Variants in DCLK1 observed in about 807,000 individuals in gnomAD.
DCLK1 encodes the protein doublecortin like kinase 1.
DCLK1 carries 16 observed loss-of-function variants against 86.2 expected under a neutral mutation model. That is an observed-to-expected ratio of 0.19 (90% CI 0.13 to 0.28). The LOEUF is 0.28. Ranked by LOEUF, DCLK1 falls within the 10% of genes least tolerant of loss-of-function variation. The pLI is 1.00. For missense variants in DCLK1, 590 were observed against 940.2 expected (o/e 0.63, Z 4.87); for synonymous variants, 369 against 370.5 (o/e 1.00, Z 0.05).
intron 5 of DCLK1, among the ~76,000 whole-genome samples, chr13:35,863,798 T>C (rs1159346344): frequency 6.6e-6 from 1 of 152,236 alleles, no homozygotes; most frequent in Admixed American, 6.5e-5. Context: ...ACTGGACTAG[T>C]AGTGAGCTGA....
At chr13:35,965,848 T>C (rs1488656720) in intron 3 of DCLK1, among the ~76,000 whole-genome samples, 1 of 152,074 alleles carries the variant, frequency 6.6e-6, no homozygotes, top group Non-Finnish European at 1.5e-5. Flanking sequence ...CAGAGCCATA[T>C]ACAAATAAAA....
chr13:35,829,583 T>C (rs1820833986), intron 8 of DCLK1, among the ~76,000 whole-genome samples: 1 of 152,180 alleles, frequency 6.6e-6, no homozygotes, highest in African/African-American at 2.4e-5. Flanking sequence ...CGTTAATGTG[T>C]TTTGAGGGCA....
At chr13:35,810,269 T>C (rs1196013227) in intron 12 of DCLK1, among the ~76,000 whole-genome samples, 1 of 152,198 alleles carries the variant, frequency 6.6e-6, no homozygotes, top group East Asian at 1.9e-4. Flanking sequence ...AGGCCTAGCA[T>C]ATTGTGGGGT....
intron 2 of DCLK1, 34 bp downstream of exon 2, chr13:36,125,728 T>C: frequency 3.8e-6 from 6 of 1,585,194 alleles, no homozygotes; most frequent in South Asian, 1.2e-5. Flanking sequence ...CTGGAACCTG[T>C]AGGGTCACGT....
At chr13:35,871,408 C>T in intron 4 of DCLK1, 68 bp from the exon 5 acceptor site, 1 of 1,261,918 alleles carries the variant, frequency 7.9e-7, no homozygotes, top group Non-Finnish European at 1.1e-6. Context: ...TCAAAATGCA[C>T]AATAAACCTG....
intron 6 of DCLK1, chr13:35,849,644 G>A (rs1392891750): frequency 1.0e-6 from 1 of 982,222 alleles, no homozygotes; most frequent in Non-Finnish European, 1.2e-6. Flanking sequence ...AGAATTAGTA[G>A]GTTAATGTTT....
At chr13:35,911,461 G>A (rs1875028765) in intron 4 of DCLK1, among the ~76,000 whole-genome samples, 1 of 152,152 alleles carries the variant, frequency 6.6e-6, no homozygotes, top group African/African-American at 2.4e-5. Context: ...TCCTGTTAGA[G>A]AGAAGGTGGT....
At chr13:35,808,515 G>T (rs1342314893) in intron 13 of DCLK1, among the ~76,000 whole-genome samples, 195 bp from the exon 14 acceptor site, 1 of 152,222 alleles carries the variant, frequency 6.6e-6, no homozygotes, top group East Asian at 1.9e-4. Flanking sequence ...GGGTGCGGCG[G>T]CTCACACCTG....
At chr13:35,874,215 C>G (rs1006374394) in intron 4 of DCLK1, among the ~76,000 whole-genome samples, 7 of 152,154 alleles carry the variant, frequency 4.6e-5, no homozygotes, top group Non-Finnish European at 2.9e-5. Flanking sequence ...ATGTTTCTCT[C>G]TCTTATATAT....
intron 2 of DCLK1, among the ~76,000 whole-genome samples, chr13:36,115,345 A>AAACT (rs1885747202): frequency 6.6e-6 from 1 of 152,172 alleles, no homozygotes; most frequent in Non-Finnish European, 1.5e-5. Flanking sequence ...ACAAACAAAC[A>AAACT]AATAAAAAAA....
At chr13:35,952,373 TG>T (rs763592511) in intron 3 of DCLK1, among the ~76,000 whole-genome samples, 1 of 152,202 alleles carries the variant, frequency 6.6e-6, no homozygotes, top group Non-Finnish European at 1.5e-5. Flanking sequence ...CATCAGAGAA[TG>T]GGTGGAAAGC....
At chr13:35,940,002 C>T (rs1876990417) in intron 4 of DCLK1, among the ~76,000 whole-genome samples, 1 of 152,140 alleles carries the variant, frequency 6.6e-6, no homozygotes, top group African/African-American at 2.4e-5. Flanking sequence ...TACACATAAA[C>T]AATATTAAAC....
Position 35,773,098 on chromosome 13 carries a change from G to A in DCLK1, c.*1437C>T, listed in dbSNP as rs1379145499. Reference sequence around the variant, plus strand: ...GACACCCCAGGAGAATCCTCTCTGAGCACTGTGGTGATGCACAGAACCTGT... The same window carrying A: ...GACACCCCAGGAGAATCCTCTCTGAACACTGTGGTGATGCACAGAACCTGT... On this transcript the variant is annotated 3_prime_UTR_variant, in exon 17 of 17. Transcript: ENST00000360631. 6.6e-6 allele frequency: 1 copy of A among 152,250 alleles called. No homozygotes were observed. Among genetic ancestry groups the A allele is most frequent in the Non-Finnish European group, 1.5e-5 (1 of 68,050 alleles). The allele number at this position is 152,250 out of a possible 1,614,324, so 9.4% of individuals were successfully genotyped here. A position where few individuals can be genotyped will look rare whatever the true frequency, so the allele number is the denominator to read the frequency against.
At chr13:36,098,357 C>T (rs1386916285) in intron 3 of DCLK1, among the ~76,000 whole-genome samples, 1 of 152,168 alleles carries the variant, frequency 6.6e-6, no homozygotes, top group East Asian at 1.9e-4. Flanking sequence ...AGAGCTGGTG[C>T]ACTATCCCAG....
At chr13:35,795,568 T>C (rs1280647638) in intron 15 of DCLK1, among the ~76,000 whole-genome samples, 1 of 152,174 alleles carries the variant, frequency 6.6e-6, no homozygotes, top group Non-Finnish European at 1.5e-5. Context: ...GGATTATGCG[T>C]CCAGAGTTCT....
At chr13:35,933,871 CT>C (rs1219787931) in intron 4 of DCLK1, among the ~76,000 whole-genome samples, 2 of 152,202 alleles carry the variant, frequency 1.3e-5, no homozygotes, top group African/African-American at 4.8e-5. Context: ...CTGCAGCTGG[CT>C]TGAATTTCTC....
In DCLK1 at chr13:35,915,990, T is replaced by C. The variant is rs7324753; in HGVS notation, c.823+31368A>G. On this transcript the variant is annotated intron_variant, in intron 4 of 16. Coordinates refer to ENST00000360631, the MANE Select transcript of DCLK1 (RefSeq NM_001330071.2). ...AAACAATTAAACAAATCAAGGAAATTTGATTTTAAGGATGGGAGTCAAAGG... is the reference window on the plus strand; with the variant it reads ...AAACAATTAAACAAATCAAGGAAATCTGATTTTAAGGATGGGAGTCAAAGG... 1.9e-3 allele frequency among the ~76,000 whole-genome samples: 283 copies of C among 152,192 alleles called. 3 individuals carry two copies. Among genetic ancestry groups the C allele is most frequent in the African/African-American group, 6.6e-3 (274 of 41,540 alleles).
At position 35,883,393 on chromosome 13, in the gene DCLK1, T is replaced by C. The variant is rs371458640; in HGVS notation, c.824-12053A>G. ...AGTTGTTAAAAAGAGCCTGGCACCT[T>C]CCCTTCTCCCTTGCCTCCTCTCTCC... On this transcript the variant is annotated intron_variant, in intron 4 of 16. Transcript: ENST00000360631. 2.0e-5 allele frequency among the ~76,000 whole-genome samples: 3 copies of C among 152,040 alleles called. No homozygotes were observed. The South Asian group carries it at 6.2e-4, about 32-fold the overall frequency.
At chr13:35,877,196 T>A (rs1732086522) in intron 4 of DCLK1, among the ~76,000 whole-genome samples, 1 of 152,204 alleles carries the variant, frequency 6.6e-6, no homozygotes, top group Admixed American at 6.5e-5. Context: ...ACTCCTGAAA[T>A]GGGCATTCTT....
Sources: allele counts gnomAD v4.1 joint callset (sites outside exome capture counted in the v4.1 genomes callset), GRCh38; gene constraint gnomAD v4.1.1; transcripts MANE v1.5; gene names NCBI Gene and HGNC (gene_info 2026-07-23, HGNC 2026-07-21).